Variants in POLR1A observed in about 807,000 individuals in gnomAD.
POLR1A encodes the protein RNA polymerase I subunit A, also known as DNA-directed RNA polymerase I subunit RPA1.
POLR1A carries 84 observed loss-of-function variants against 205.3 expected under a neutral mutation model. The ratio of observed to expected loss-of-function variants is 0.41; its 90% CI spans 0.34 to 0.49. The LOEUF is 0.49. Ranked by LOEUF, POLR1A falls within the 20% of genes least tolerant of loss-of-function variation. POLR1A has a pLI of 0.22. For synonymous variants in POLR1A, 799 were observed against 863.7 expected, an observed-to-expected ratio of 0.93 and a Z score of 1.31; for missense variants, 1,645 against 2,204.5, an observed-to-expected ratio of 0.75 and a Z score of 5.08.
At chr2:86,076,413 C>G (rs572957396) in intron 11 of POLR1A, among the ~76,000 whole-genome samples, 1 of 152,374 alleles carries the variant, frequency 6.6e-6, no homozygotes, top group African/African-American at 2.4e-5. Context: ...TATTTACTGT[C>G]TGTCTCCACC....
chr2:86,095,174 T>C (rs1249345631), intron 3 of POLR1A, among the ~76,000 whole-genome samples: 1 of 152,206 alleles, frequency 6.6e-6, no homozygotes, highest in Non-Finnish European at 1.5e-5. Flanking sequence ...AGACACCACA[T>C]ACTAGGCCAT....
chr2:86,044,280 C>A lies in POLR1A; in HGVS notation c.2994G>T (p.Gly998=), dbSNP rs1390359796. The change falls in exon 22 of 34, where the codon GGG becomes GGT. Residue 998 remains glycine (G), a synonymous_variant. Transcript: ENST00000263857. The stretch of plus-strand genomic sequence containing the variant: ...CCGTGAGATCATACTGCACGACCAG[C>A]CCCTCTAGGTGCTTGATGATGCACC... ...LQRCIIKHLE[G]LVVQYDLTVR... 1 of 1,614,090 alleles carries A rather than the reference C, an allele frequency of 6.2e-7. No homozygotes were observed. The highest frequency in any genetic ancestry group is 1.3e-5 in the African/African-American group (1 of 74,934).
intron 20 of POLR1A, 74 bp from the exon 21 acceptor site, chr2:86,045,434 C>A: frequency 1.5e-6 from 2 of 1,307,114 alleles, no homozygotes; most frequent in Non-Finnish European, 2.2e-6. Context: ...CAGGCCAACA[C>A]CTCCAGCAGC....
intron 14 of POLR1A, among the ~76,000 whole-genome samples, chr2:86,063,092 T>A (rs1329967681): frequency 1.3e-5 from 2 of 152,094 alleles, no homozygotes; most frequent in African/African-American, 4.8e-5. Context: ...TCCCAGCACT[T>A]TGGGAGGCCA....
intron 28 of POLR1A, among the ~76,000 whole-genome samples, chr2:86,033,362 G>A (rs960240710): frequency 5.3e-5 from 8 of 152,346 alleles, no homozygotes; most frequent in Admixed American, 2.0e-4. Flanking sequence ...CCATGACCTC[G>A]AGTCCCTCCT....
At chr2:86,049,637 G>A (rs1166554020) in intron 16 of POLR1A, among the ~76,000 whole-genome samples, 1 of 152,098 alleles carries the variant, frequency 6.6e-6, no homozygotes, top group East Asian at 1.9e-4. Flanking sequence ...TAAGCTCAGG[G>A]AAAAAGAGAG....
At chr2:86,051,762 T>A (rs1469837619) in intron 16 of POLR1A, among the ~76,000 whole-genome samples, 6 of 152,324 alleles carry the variant, frequency 3.9e-5, no homozygotes, top group African/African-American at 1.4e-4. Context: ...GGTGACTGCT[T>A]CAGGGGAGCC....
chr2:86,104,326 ATAAG>A (rs1673877717), intron 1 of POLR1A, among the ~76,000 whole-genome samples: 1 of 152,194 alleles, frequency 6.6e-6, no homozygotes, highest in African/African-American at 2.4e-5. Context: ...AGCCCAATAA[ATAAG>A]TTATATGTCA....
chr2:86,033,893 AC>A, intron 27 of POLR1A, 106 bp from the exon 28 acceptor site: 2 of 1,385,696 alleles, frequency 1.4e-6, no homozygotes, highest in Non-Finnish European at 9.9e-7. Flanking sequence ...GGATCAGTGC[AC>A]GAGATGGAGG....
rs200639447 is a variant in POLR1A at position 86,031,466 on chromosome 2, G to A, written c.4442C>T (p.Thr1481Met). ...GCTGTGGGTGGGTTTCCGGGGCTGC[G>A]TCAGGAGGGCGGGAAGGGACGGGTC... ...EEDPSLPALL[T>M]QPRKPTHSQE... Residue 1481 changes from threonine (T) to methionine (M), a missense_variant, in exon 30 of 34, where the codon ACG (threonine) becomes ATG (methionine). This residue lies in a region of POLR1A where 394 missense variants were observed against 468.5 expected (regional missense o/e 0.84). Coordinates refer to ENST00000263857, the MANE Select transcript of POLR1A (RefSeq NM_015425.6). 1.2e-4 allele frequency: 196 copies of A among 1,614,034 alleles called. No homozygotes were observed. Among genetic ancestry groups the A allele is most frequent in the Non-Finnish European group, 1.6e-4 (186 of 1,179,986 alleles).
At chr2:86,032,476 T>A (rs1672416415) in intron 28 of POLR1A, 94 bp from the exon 29 acceptor site, 1 of 900,994 alleles carries the variant, frequency 1.1e-6, no homozygotes, top group Non-Finnish European at 1.8e-6. Flanking sequence ...CATCCATCCA[T>A]GCCCCACCCT....
chr2:86,056,209 T>C (rs930762918), intron 14 of POLR1A, among the ~76,000 whole-genome samples: 1 of 152,054 alleles, frequency 6.6e-6, no homozygotes, highest in Non-Finnish European at 1.5e-5. Flanking sequence ...CCCAGCACTT[T>C]GAGAGGCCAA....
chr2:86,087,831 C>T (rs1673528932), intron 6 of POLR1A, among the ~76,000 whole-genome samples: 1 of 152,180 alleles, frequency 6.6e-6, no homozygotes, highest in African/African-American at 2.4e-5. Context: ...GTGTGAGCTA[C>T]CGTGCCCAGC....
At chr2:86,069,821 G>A (rs1458479327) in intron 13 of POLR1A, among the ~76,000 whole-genome samples, 197 bp downstream of exon 13, 3 of 152,184 alleles carry the variant, frequency 2.0e-5, no homozygotes, top group Admixed American at 6.5e-5. Flanking sequence ...ATTTTACAAC[G>A]CAGCAAAACA....
chr2:86,032,131 TG>T, intron 29 of POLR1A, 140 bp downstream of exon 29: 1 of 661,542 alleles, frequency 1.5e-6, no homozygotes. Context: ...AGAGGTATGC[TG>T]GGCAGGCAGG....
chr2:86,103,083 T>C (rs945959368), intron 1 of POLR1A, among the ~76,000 whole-genome samples: 3 of 152,112 alleles, frequency 2.0e-5, no homozygotes, highest in African/African-American at 7.2e-5. Flanking sequence ...TTACATTCTA[T>C]TGGAGGAACG....
At chr2:86,053,037 T>G (rs747418125) in intron 15 of POLR1A, 37 bp from the exon 16 acceptor site, 1 of 1,494,738 alleles carries the variant, frequency 6.7e-7, no homozygotes, top group Non-Finnish European at 9.0e-7. Flanking sequence ...GGGCTGCGGG[T>G]GATGCCTCCT....
At chr2:86,034,168 G>C (rs34723687) in intron 27 of POLR1A, among the ~76,000 whole-genome samples, 54,483 of 152,162 alleles carry the variant, frequency 0.36, 12,190 homozygotes, top group Non-Finnish European at 0.51. Flanking sequence ...GCCTGGCAGA[G>C]TGCGTGCTTG....
At chr2:86,082,881 A>C (rs1297986575) in intron 7 of POLR1A, among the ~76,000 whole-genome samples, 2 of 152,212 alleles carry the variant, frequency 1.3e-5, no homozygotes, top group Non-Finnish European at 2.9e-5. Flanking sequence ...ATAATTGTCA[A>C]GTTTTTGGTG....
Sources: allele counts gnomAD v4.1 joint callset (sites outside exome capture counted in the v4.1 genomes callset), GRCh38; gene constraint gnomAD v4.1.1; regional missense constraint gnomAD v4.1.1; transcripts MANE v1.5; gene names NCBI Gene and HGNC (gene_info 2026-07-23, HGNC 2026-07-21).